The following MAP2K5 variants were observed in gnomAD, a reference collection of about 807,000 sequenced individuals.
MAP2K5 encodes the protein dual specificity mitogen-activated protein kinase kinase 5.
Under a neutral mutation model 83.1 loss-of-function variants are expected in MAP2K5, and 49 were observed. That is an observed-to-expected ratio of 0.59 (90% CI 0.47 to 0.75). The LOEUF (loss-of-function observed/expected upper bound fraction) is 0.75. Ranked by LOEUF, MAP2K5 falls within the 30% of genes least tolerant of loss-of-function variation. The pLI, the probability that MAP2K5 is intolerant of heterozygous loss-of-function variation, is 0.00. For missense variants in MAP2K5, 457 were observed against 557.5 expected, an observed-to-expected ratio of 0.82 and a Z score of 1.82; for synonymous variants, 202 against 191.8, an observed-to-expected ratio of 1.05 and a Z score of -0.44.
chr15:67,585,894 C>G lies in MAP2K5; in HGVS notation c.327C>G (p.Cys109Trp), dbSNP rs145063072. Reference sequence around the variant, plus strand: ...TTTAGTCAATTACTGTTTCAGCCTGCAAGCCTCCTGGGGAACGGAACATAC... The same window carrying G: ...TTTAGTCAATTACTGTTTCAGCCTGGAAGCCTCCTGGGGAACGGAACATAC... Reference protein sequence around the residue: ...IEPLQIFPRACKPPGERNIHG... With the variant: ...IEPLQIFPRAWKPPGERNIHG... Residue 109 changes from cysteine (C) to tryptophan (W), a missense_variant, in exon 5 of 22, where the codon TGC becomes TGG. Coordinates refer to ENST00000178640, the MANE Select transcript of MAP2K5 (RefSeq NM_145160.3). The G allele has an allele frequency of 1.9e-5, 30 of 1,613,756 alleles. No homozygotes were observed. The African/African-American group carries it at 3.2e-4, about 17-fold the overall frequency.
chr15:67,759,446 GC>G (rs1342329691), intron 19 of MAP2K5, among the ~76,000 whole-genome samples: 1 of 151,810 alleles, frequency 6.6e-6, no homozygotes, highest in Non-Finnish European at 1.5e-5. Context: ...TGTAGTCCCA[GC>G]TACTCAGGAG....
intron 15 of MAP2K5, among the ~76,000 whole-genome samples, chr15:67,696,261 A>G (rs1333103142): frequency 6.6e-6 from 1 of 152,116 alleles, no homozygotes; most frequent in Non-Finnish European, 1.5e-5. Flanking sequence ...TTACTGGAAC[A>G]ATGTACTGAT....
intron 16 of MAP2K5, among the ~76,000 whole-genome samples, chr15:67,705,691 G>A (rs187732732): frequency 1.3e-5 from 2 of 152,102 alleles, no homozygotes; most frequent in Admixed American, 6.5e-5. Context: ...AGCCAAGATC[G>A]TGCCATTGTG....
rs1295064571 is a variant in MAP2K5 at position 67,760,439 on chromosome 15, G to A, written c.1135-9163G>A. 2.0e-5 allele frequency among the ~76,000 whole-genome samples: 3 copies of A among 151,956 alleles called. No individual in the cohort carries two copies. Among genetic ancestry groups the A allele is most frequent in the African/African-American group, 7.3e-5 (3 of 41,372 alleles). The stretch of plus-strand genomic sequence containing the variant: ...ATAAAATTAGATTTTATTAACTATT[G>A]CTGAAAAAAATCTATATTTTTATTA... On this transcript the variant is annotated intron_variant, in intron 19 of 21. Transcript: ENST00000178640. This position sits in a 1 kb window ranked among gnomAD's most constrained non-coding sequence, Gnocchi z 4.1.
chr15:67,745,092 T>G (rs992185749), intron 17 of MAP2K5, among the ~76,000 whole-genome samples: 5 of 152,294 alleles, frequency 3.3e-5, no homozygotes, highest in African/African-American at 1.2e-4. Context: ...CAACTAGTTC[T>G]AGAGACTGAT....
chr15:67,735,809 C>A (rs2089327269), intron 17 of MAP2K5, among the ~76,000 whole-genome samples: 1 of 151,990 alleles, frequency 6.6e-6, no homozygotes, highest in South Asian at 2.1e-4. Context: ...ACTTGGACAC[C>A]AAGTCATAAT....
Position 67,658,550 on chromosome 15 carries a change from C to T in MAP2K5, c.737-3C>T, listed in dbSNP as rs753560502. On this transcript the variant is annotated splice_region_variant and splice_polypyrimidine_tract_variant and intron_variant, in intron 11 of 21. Coordinates refer to ENST00000178640, the MANE Select transcript of MAP2K5 (RefSeq NM_145160.3). ...TAGTAACATGGCATGTTTATCTCTA[C>T]AGGGGGATCTTTGGATGTATATAGG... 4.7e-5 allele frequency: 75 copies of T among 1,610,516 alleles called. No individual in the cohort carries two copies. Among genetic ancestry groups the T allele is most frequent in the Non-Finnish European group, 6.0e-5 (71 of 1,177,256 alleles).
rs1433288647 is a variant in MAP2K5 at position 67,720,058 on chromosome 15, A to T, written c.1045-7858A>T. 1.3e-5 allele frequency among the ~76,000 whole-genome samples: 2 copies of T among 152,164 alleles called. No homozygotes were observed. The highest frequency in any genetic ancestry group is 2.9e-5 in the Non-Finnish European group (2 of 68,030). Reference sequence around the variant, plus strand: ...GGTTAAAGTGTCTGTAAAGCTACAAAAGTGGGCATTTTTAAATTGAGGGTT... The same window carrying T: ...GGTTAAAGTGTCTGTAAAGCTACAATAGTGGGCATTTTTAAATTGAGGGTT... On this transcript the variant is annotated intron_variant, in intron 16 of 21. Transcript: ENST00000178640. The surrounding 1 kb of genome is among the most constrained non-coding windows in gnomAD (Gnocchi z 5.7).
rs1030625893 is a variant in MAP2K5, at chr15:67,698,584, T to C, written c.973-4753T>C. Reference sequence around the variant, plus strand: ...TTCAGTCTTCCTGGCTTACTATCATTTTAAAAATCAAATATAAAAATTGAC... The same window carrying C: ...TTCAGTCTTCCTGGCTTACTATCATCTTAAAAATCAAATATAAAAATTGAC... On this transcript the variant is annotated intron_variant, in intron 15 of 21. Coordinates refer to ENST00000178640, the MANE Select transcript of MAP2K5 (RefSeq NM_145160.3). The surrounding 1 kb of genome is among the most constrained non-coding windows in gnomAD (Gnocchi z 4.5). Among the ~76,000 whole-genome samples, 2 of 152,210 alleles carry C rather than the reference T, an allele frequency of 1.3e-5. No individual in the cohort carries two copies. The highest frequency in any genetic ancestry group is 2.9e-5 in the Non-Finnish European group (2 of 68,042).
At chr15:67,792,809 T>A (rs2090541534) in intron 21 of MAP2K5, among the ~76,000 whole-genome samples, 2 of 152,348 alleles carry the variant, frequency 1.3e-5, no homozygotes, top group South Asian at 4.1e-4. Flanking sequence ...CAAGGTAAAC[T>A]TGGGCCCAAA....
rs980009502 is a variant in MAP2K5 at position 67,636,639 on chromosome 15, G to A, written c.585+5712G>A. ...ATAGCTACTCTGCTTGAGCAGAGCAGCTATGCCTTATAATTTTTTATTGGA... is the reference window on the plus strand; with the variant it reads ...ATAGCTACTCTGCTTGAGCAGAGCAACTATGCCTTATAATTTTTTATTGGA... On this transcript the variant is annotated intron_variant, in intron 9 of 21. Transcript: ENST00000178640. This position sits in a 1 kb window ranked among gnomAD's most constrained non-coding sequence, Gnocchi z 4.7. 6.6e-6 allele frequency among the ~76,000 whole-genome samples: 1 copy of A among 151,956 alleles called. No individual in the cohort carries two copies. The highest frequency in any genetic ancestry group is 6.6e-5 in the Admixed American group (1 of 15,260).
chr15:67,551,005 C>G (rs1706435642), intron 2 of MAP2K5, among the ~76,000 whole-genome samples: 1 of 152,158 alleles, frequency 6.6e-6, no homozygotes, highest in East Asian at 1.9e-4. Context: ...CTCCTGACCT[C>G]AAGTGATCCA....
chr15:67,785,664 GCATGGAGC>G lies in MAP2K5; in HGVS notation c.1242+12917_1242+12924del, dbSNP rs1046170764. The stretch of plus-strand genomic sequence containing the variant: ...AGGTGTGGAGGCAGCAGGGGACCTG[GCATGGAGC>G]CATGACCTCGCTCATCCTATGACCT... On this transcript the variant is annotated intron_variant, in intron 21 of 21. Coordinates refer to ENST00000178640, the MANE Select transcript of MAP2K5 (RefSeq NM_145160.3). This position sits in a 1 kb window ranked among gnomAD's most constrained non-coding sequence, Gnocchi z 4.4. Among the ~76,000 whole-genome samples, 1 of 152,176 alleles carries G rather than the reference GCATGGAGC, an allele frequency of 6.6e-6. No individual in the cohort carries two copies. The highest frequency in any genetic ancestry group is 1.5e-5 in the Non-Finnish European group (1 of 68,024).
chr15:67,694,282 T>G (rs2141204492), intron 15 of MAP2K5, among the ~76,000 whole-genome samples: 1 of 152,304 alleles, frequency 6.6e-6, no homozygotes, highest in South Asian at 2.1e-4. Context: ...ACTTATCTAG[T>G]ATTAATTTTG....
chr15:67,569,253 A>T (rs2084905322), intron 3 of MAP2K5, among the ~76,000 whole-genome samples: 1 of 152,228 alleles, frequency 6.6e-6, no homozygotes, highest in Admixed American at 6.5e-5. Flanking sequence ...TTCTACTTTG[A>T]ACTTAACTTT....
intron 17 of MAP2K5, among the ~76,000 whole-genome samples, chr15:67,729,120 T>C (rs1028863339): frequency 7.9e-5 from 12 of 152,234 alleles, no homozygotes; most frequent in African/African-American, 2.7e-4. Flanking sequence ...TTGGCATGAA[T>C]GCTGGCATTT....
intron 9 of MAP2K5, among the ~76,000 whole-genome samples, chr15:67,642,866 G>A (rs2086743964): frequency 6.6e-6 from 1 of 152,202 alleles, no homozygotes; most frequent in African/African-American, 2.4e-5. Flanking sequence ...TTAATTCCAG[G>A]AGGGTGGCTA....
rs2089399281 is a variant in MAP2K5 at position 67,738,653 on chromosome 15, G to T, written c.1075-9578G>T. Among the ~76,000 whole-genome samples, 1 of 152,182 alleles carries T rather than the reference G, an allele frequency of 6.6e-6. No homozygotes were observed. The highest frequency in any genetic ancestry group is 6.5e-5 in the Admixed American group (1 of 15,272). On this transcript the variant is annotated intron_variant, in intron 17 of 21. Coordinates refer to ENST00000178640, the MANE Select transcript of MAP2K5 (RefSeq NM_145160.3). The surrounding 1 kb of genome is among the most constrained non-coding windows in gnomAD (Gnocchi z 4.1). ...AGGTTAGTAATTTACAGAATTGTGG[G>T]TAGACAGTGTATAGAGGAGATGGGG...
chr15:67,545,382 G>T (rs1046257439), intron 1 of MAP2K5, among the ~76,000 whole-genome samples: 1 of 152,170 alleles, frequency 6.6e-6, no homozygotes, highest in African/African-American at 2.4e-5. Flanking sequence ...TGCAATTATG[G>T]TTCTGTGGAC....
Sources: gnomAD v4.1 joint callset for allele counts (sites outside exome capture counted in the v4.1 genomes callset) on GRCh38, gnomAD v4.1.1 for gene constraint, Gnocchi (gnomAD v3.1) non-coding constraint, MANE v1.5 for transcripts, NCBI Gene and HGNC (gene_info 2026-07-23, HGNC 2026-07-21) for gene names.